Variants in DAB1 observed in about 807,000 individuals in gnomAD.
DAB1 encodes DAB adaptor protein 1.
A neutral mutation model predicts 64.6 loss-of-function variants in DAB1; 15 were observed. The observed-to-expected ratio is 0.23, with a 90% CI of 0.16 to 0.36. DAB1 has a LOEUF of 0.36. DAB1 is among the 10% of genes least tolerant of loss of function. The pLI, the probability that DAB1 is intolerant of heterozygous loss-of-function variation, is 1.00. For missense variants in DAB1, 596 were observed against 706.7 expected, an observed-to-expected ratio of 0.84 and a Z score of 1.78; for synonymous variants, 235 against 251.9, an observed-to-expected ratio of 0.93 and a Z score of 0.64.
intron 1 of DAB1, among the ~76,000 whole-genome samples, chr1:57,364,433 T>C (rs1353128356): frequency 1.3e-5 from 2 of 152,090 alleles, no homozygotes; most frequent in Non-Finnish European, 2.9e-5. Context: ...CACATTACCA[T>C]TTACTAGCCG....
chr1:57,012,275 T>C (rs1646289086), intron 12 of DAB1, among the ~76,000 whole-genome samples: 1 of 152,226 alleles, frequency 6.6e-6, no homozygotes, highest in Non-Finnish European at 1.5e-5. Context: ...GATGATGCTA[T>C]TTCCTAACTT....
At chr1:57,222,480 T>C (rs753183840) in intron 2 of DAB1, among the ~76,000 whole-genome samples, 14 of 151,772 alleles carry the variant, frequency 9.2e-5, no homozygotes, top group Non-Finnish European at 1.9e-4. Context: ...GGGGCTGGGG[T>C]GGAAGGAGCT....
intron 1 of DAB1, among the ~76,000 whole-genome samples, chr1:58,544,711 A>G (rs144715268): frequency 1.6e-3 from 238 of 152,246 alleles, no homozygotes; most frequent in Middle Eastern, 0.014. Flanking sequence ...CTCGTGCCTC[A>G]GTCTCCTCAG....
chr1:57,892,668 A>C (rs1018948942), intron 5 of DAB1, among the ~76,000 whole-genome samples: 1 of 152,072 alleles, frequency 6.6e-6, no homozygotes, highest in Non-Finnish European at 1.5e-5. Context: ...TTCTTCAGCT[A>C]TTTTTGTTTT....
At chr1:58,247,167 A>C (rs892268789) in intron 4 of DAB1, among the ~76,000 whole-genome samples, 117 of 152,014 alleles carry the variant, frequency 7.7e-4, no homozygotes, top group African/African-American at 2.8e-3. Flanking sequence ...GGGGGCAAGG[A>C]GGCTGGAGAG....
intron 6 of DAB1, among the ~76,000 whole-genome samples, chr1:57,745,812 T>C (rs1433440904): frequency 6.6e-6 from 1 of 152,222 alleles, no homozygotes; most frequent in Admixed American, 6.5e-5. Flanking sequence ...CAGTTCCATC[T>C]CTTCTTCCCT....
intron 1 of DAB1, among the ~76,000 whole-genome samples, chr1:57,293,272 G>A (rs916357632): frequency 2.6e-5 from 4 of 152,072 alleles, no homozygotes; most frequent in Non-Finnish European, 4.4e-5. Context: ...GACATCACAG[G>A]CAGAAAGATG....
At chr1:58,170,888 A>G (rs1213759) in intron 4 of DAB1, among the ~76,000 whole-genome samples, 86,106 of 151,382 alleles carry the variant, frequency 0.57, 27,775 homozygotes, top group East Asian at 0.86. Context: ...TGAGCCCCGG[A>G]TATGTTTAAC....
At chr1:57,725,383 G>A (rs954310343) in intron 6 of DAB1, among the ~76,000 whole-genome samples, 6 of 152,144 alleles carry the variant, frequency 3.9e-5, no homozygotes, top group Non-Finnish European at 5.9e-5. Flanking sequence ...ACCCGGAGTC[G>A]TGATGGTGTA....
intron 3 of DAB1, among the ~76,000 whole-genome samples, chr1:58,400,455 G>A (rs2100563088): frequency 6.6e-6 from 1 of 152,262 alleles, no homozygotes; most frequent in African/African-American, 2.4e-5. Flanking sequence ...GGAATAATCA[G>A]GTCTTGGGCA....
intron 3 of DAB1, among the ~76,000 whole-genome samples, chr1:58,407,128 T>C (rs1052518307): frequency 6.6e-6 from 1 of 152,180 alleles, no homozygotes; most frequent in East Asian, 1.9e-4. Flanking sequence ...CACCCCCACC[T>C]CTTTCTTATC....
chr1:57,633,800 C>G (rs908104969), intron 7 of DAB1, among the ~76,000 whole-genome samples: 3 of 152,118 alleles, frequency 2.0e-5, no homozygotes, highest in Non-Finnish European at 4.4e-5. Context: ...GTGAAACACA[C>G]GTACATTTTG....
chr1:57,699,687 G>A (rs543976014), intron 6 of DAB1, among the ~76,000 whole-genome samples: 133 of 152,272 alleles, frequency 8.7e-4, no homozygotes, highest in African/African-American at 3.2e-3. Flanking sequence ...GGCTGAGGCA[G>A]GCAGATCACG....
chr1:58,263,173 A>G (rs1176022491), intron 4 of DAB1, among the ~76,000 whole-genome samples: 1 of 152,216 alleles, frequency 6.6e-6, no homozygotes, highest in Non-Finnish European at 1.5e-5. Context: ...TTAATAAATA[A>G]TGATTCCTTT....
At position 58,224,053 on chromosome 1, in the gene DAB1, C is replaced by T. The variant is rs115711423; in HGVS notation, n.310-73465G>A. ...AGCCACTACCTGCCTCAACTGTGGG[C>T]TATTAAAGGACAATTGGGCTCCTTG... On this transcript the variant is annotated intron_variant and non_coding_transcript_variant, in intron 4 of 20. Coordinates refer to the DAB1 transcript ENST00000485760. 6.0e-3 allele frequency among the ~76,000 whole-genome samples: 908 copies of T among 152,274 alleles called. 5 individuals are homozygous for T. The highest frequency in any genetic ancestry group is 0.021 in the African/African-American group (868 of 41,546).
At chr1:58,016,712 T>A (rs1646745421) in intron 5 of DAB1, among the ~76,000 whole-genome samples, 1 of 152,134 alleles carries the variant, frequency 6.6e-6, no homozygotes, top group South Asian at 2.1e-4. Context: ...AGCCACTATG[T>A]TCTGTCAATC....
upstream of DAB1, among the ~76,000 whole-genome samples, chr1:57,885,076 A>T (rs1212277677): frequency 6.6e-6 from 1 of 152,216 alleles, no homozygotes; most frequent in African/African-American, 2.4e-5. Context: ...AGTCTCAGTT[A>T]TTCCTTTATA....
intron 4 of DAB1, among the ~76,000 whole-genome samples, chr1:58,216,487 CAT>C (rs1658861996): frequency 6.6e-6 from 1 of 152,158 alleles, no homozygotes; most frequent in Admixed American, 6.5e-5. Context: ...CTGCAATAAA[CAT>C]ATGTGTGCAT....
At chr1:57,287,777 CTTTT>C (rs1314927334) in intron 2 of DAB1, among the ~76,000 whole-genome samples, 7 of 63,894 alleles carry the variant, frequency 1.1e-4, no homozygotes, top group African/African-American at 5.3e-4. Flanking sequence ...TTTTCTCTCT[CTTTT>C]ATTTATTTAT....
Sources: allele counts gnomAD v4.1 joint callset (sites outside exome capture counted in the v4.1 genomes callset), GRCh38; gene constraint gnomAD v4.1.1; transcripts MANE v1.5; gene names NCBI Gene and HGNC (gene_info 2026-07-23, HGNC 2026-07-21).